Variants in ATOH8 observed in about 807,000 individuals in gnomAD.
The protein encoded by ATOH8 is transcription factor ATOH8.
ATOH8 carries 9 observed loss-of-function variants against 21.2 expected under a neutral mutation model. That is an observed-to-expected ratio of 0.42 (90% CI 0.26 to 0.74). The LOEUF is 0.74. ATOH8 is among the 30% of genes least tolerant of loss of function. ATOH8 has a pLI of 0.24. For synonymous variants in ATOH8, 253 were observed against 224.0 expected (o/e 1.13, Z -1.16); for missense variants, 524 against 470.9 (o/e 1.11, Z -1.04).
In ATOH8 at chr2:85,785,546, C is replaced by T. The variant is rs1221514997; in HGVS notation, c.961-1339C>T. Among the ~76,000 whole-genome samples the T allele has an allele frequency of 6.6e-6, 1 of 152,248 alleles. No individual in the cohort carries two copies. Among genetic ancestry groups the T allele is most frequent in the African/African-American group, 2.4e-5 (1 of 41,468 alleles). On this transcript the variant is annotated intron_variant, in intron 2 of 2. Coordinates refer to ENST00000306279, the MANE Select transcript of ATOH8 (RefSeq NM_032827.7). This position sits in a 1 kb window ranked among gnomAD's most constrained non-coding sequence, Gnocchi z 4.1. ...TGCCCCAGACTTGCGTCTTGGCTGG[C>T]TGCCCCGGCCCACGGGGCTCACCAG...
chr2:85,780,859 TAGC>T (rs1663368086), intron 2 of ATOH8: 1 of 984,542 alleles, frequency 1.0e-6, no homozygotes, highest in Admixed American at 6.2e-5. Context: ...CCCCCGCAAA[TAGC>T]AGCCAATTCC....
intron 2 of ATOH8, among the ~76,000 whole-genome samples, chr2:85,765,340 G>A (rs1276466128): frequency 1.3e-5 from 2 of 152,208 alleles, no homozygotes; most frequent in Admixed American, 1.3e-4. Context: ...GGGTTTCCCG[G>A]AGGTCCCCCA....
chr2:85,764,343 C>G (rs1199144138), intron 2 of ATOH8, among the ~76,000 whole-genome samples, 161 bp downstream of exon 2: 1 of 152,200 alleles, frequency 6.6e-6, no homozygotes, highest in East Asian at 1.9e-4. Context: ...CTCCTCAAAT[C>G]CCTGGGATTA....
chr2:85,756,697 A>G (rs56309153), intron 1 of ATOH8, among the ~76,000 whole-genome samples: 64,160 of 152,054 alleles, frequency 0.42, 15,470 homozygotes, highest in Middle Eastern at 0.67. Context: ...TATAGTATGG[A>G]ACACTGAGGC....
intron 1 of ATOH8, 22 bp from the exon 2 acceptor site, chr2:85,763,969 T>A (rs764885809): frequency 6.2e-7 from 1 of 1,609,556 alleles, no homozygotes; most frequent in Admixed American, 1.7e-5. Flanking sequence ...CTGCAGCCCC[T>A]CCTGACGCCT....
chr2:85,774,649 C>T, intron 2 of ATOH8: 1 of 985,496 alleles, frequency 1.0e-6, no homozygotes, highest in Non-Finnish European at 1.2e-6. Flanking sequence ...CAGACTGCCT[C>T]ACTCCATCCC....
rs1335087002 is a variant in ATOH8, at chr2:85,790,614, CA to C, written c.*3725del. Among the ~76,000 whole-genome samples, 2 of 152,222 alleles carry C rather than the reference CA, an allele frequency of 1.3e-5. No individual in the cohort carries two copies. The highest frequency in any genetic ancestry group is 2.4e-5 in the African/African-American group (1 of 41,454). ...CTTTTTTTCTGGATTTCTCCACCTC[CA>C]CCAAGTTCCCCTTTCTCACAGCTAG... On this transcript the variant is annotated 3_prime_UTR_variant, in exon 3 of 3. Transcript: ENST00000306279.
intron 2 of ATOH8, among the ~76,000 whole-genome samples, chr2:85,777,178 C>G (rs1334184602): frequency 1.3e-5 from 2 of 152,200 alleles, no homozygotes; most frequent in African/African-American, 4.8e-5. Context: ...CCCTTCGGAA[C>G]TCAGAGCTAA....
In ATOH8 at chr2:85,783,109, G is replaced by A. The variant is rs1680539187; in HGVS notation, c.961-3776G>A. On this transcript the variant is annotated intron_variant, in intron 2 of 2. Transcript: ENST00000306279. The stretch of plus-strand genomic sequence containing the variant: ...GCTGGCATTCTGACTATAAACAAGT[G>A]AACAGATAAAAAGATGATTTCTGCT... Among the ~76,000 whole-genome samples, 3 of 152,294 alleles carry A rather than the reference G, an allele frequency of 2.0e-5. No homozygotes were observed. The South Asian group carries it at 6.2e-4, about 32-fold the overall frequency.
intron 2 of ATOH8, among the ~76,000 whole-genome samples, chr2:85,783,864 A>C (rs546937533): frequency 7.6e-5 from 11 of 144,690 alleles, no homozygotes; most frequent in South Asian, 4.5e-4. Context: ...CCCGCCCCCC[A>C]CACACAGCCA....
chr2:85,767,778 A>C (rs547954086), intron 2 of ATOH8, among the ~76,000 whole-genome samples: 3 of 152,226 alleles, frequency 2.0e-5, no homozygotes, highest in Admixed American at 2.0e-4. Context: ...TTCTAACACA[A>C]ATTTCTAGCC....
intron 2 of ATOH8, chr2:85,775,052 A>G (rs1680285515): frequency 1.0e-6 from 1 of 980,918 alleles, no homozygotes; most frequent in Middle Eastern, 5.2e-4. Flanking sequence ...ATGTTAGACA[A>G]TATGAAACTC....
chr2:85,782,028 C>T (rs1180958079), intron 2 of ATOH8, among the ~76,000 whole-genome samples: 7 of 152,176 alleles, frequency 4.6e-5, no homozygotes, highest in African/African-American at 1.7e-4. Context: ...GAGGCAAACA[C>T]GAAGCCCCAT....
Position 85,754,738 on chromosome 2 carries a change from C to A in ATOH8, c.549C>A (p.Pro183=). The A allele has an allele frequency of 6.2e-7, 1 of 1,612,660 alleles. No homozygotes were observed. Among genetic ancestry groups the A allele is most frequent in the African/African-American group, 1.3e-5 (1 of 75,042 alleles). Residue 183 remains proline, a synonymous_variant, in exon 1 of 3, where the codon CCC becomes CCA. Transcript: ENST00000306279. The part of the protein sequence containing the change: ...APPESTVRPA[P]PTRPGESSYS... ...CGGAGTCCACTGTGCGCCCTGCGCC[C>A]CCGACGCGCCCCGGGGAAAGTTCCT...
chr2:85,787,217 G>A lies in ATOH8; in HGVS notation c.*327G>A. The A allele has an allele frequency of 2.6e-6, 1 of 390,408 alleles. No homozygotes were observed. The highest frequency in any genetic ancestry group is 4.3e-5 in the East Asian group (1 of 23,396). 24.2% of individuals were successfully genotyped at this position (390,408 alleles called of 1,614,324 possible). On this transcript the variant is annotated 3_prime_UTR_variant, in exon 3 of 3. Transcript: ENST00000306279. ...TTGGACAGAGACACCGAAGGAAATGGGGTGGTGAAACCCCACAGCGAAAAG... is the reference window on the plus strand; with the variant it reads ...TTGGACAGAGACACCGAAGGAAATGAGGTGGTGAAACCCCACAGCGAAAAG...
At chr2:85,774,108 T>C (rs1680264567) in intron 2 of ATOH8, 1 of 985,324 alleles carries the variant, frequency 1.0e-6, no homozygotes, top group African/African-American at 1.7e-5. Flanking sequence ...GTAATATTGT[T>C]TTGCAAAATC....
At chr2:85,776,862 C>T (rs1432063290) in intron 2 of ATOH8, among the ~76,000 whole-genome samples, 1 of 152,122 alleles carries the variant, frequency 6.6e-6, no homozygotes, top group African/African-American at 2.4e-5. Context: ...CCGGGCATTG[C>T]TGAGAGCTGT....
chr2:85,778,936 C>T (rs1680409032), intron 2 of ATOH8, among the ~76,000 whole-genome samples: 1 of 152,222 alleles, frequency 6.6e-6, no homozygotes, highest in Non-Finnish European at 1.5e-5. Context: ...TTGGTCTGCT[C>T]TCCACCAGCC....
chr2:85,762,632 GA>G (rs1019914278), intron 1 of ATOH8, among the ~76,000 whole-genome samples: 4 of 152,162 alleles, frequency 2.6e-5, no homozygotes, highest in African/African-American at 9.6e-5. Context: ...GGAGGTCAGG[GA>G]AAGTTCTTGG....
Sources: allele counts gnomAD v4.1 joint callset (sites outside exome capture counted in the v4.1 genomes callset), GRCh38; gene constraint gnomAD v4.1.1; non-coding constraint Gnocchi (gnomAD v3.1); transcripts MANE v1.5; gene names NCBI Gene and HGNC (gene_info 2026-07-23, HGNC 2026-07-21).